Variants in RNF216 observed in about 807,000 individuals in gnomAD.
RNF216 encodes ring finger protein 216.
A neutral mutation model predicts 110.8 loss-of-function variants in RNF216; 72 were observed. That is an observed-to-expected ratio of 0.65 (90% CI 0.54 to 0.79). RNF216 has a LOEUF of 0.79. Ranked by LOEUF, RNF216 falls within the 30% of genes least tolerant of loss-of-function variation. The pLI, the probability that RNF216 is intolerant of heterozygous loss-of-function variation, is 0.00. For synonymous variants in RNF216, 495 were observed against 407.5 expected, an observed-to-expected ratio of 1.21 and a Z score of -2.59; for missense variants, 1,342 against 1,141.2, an observed-to-expected ratio of 1.18 and a Z score of -2.54.
At chr7:5,707,899 G>A (rs1183876531) in intron 13 of RNF216, among the ~76,000 whole-genome samples, 1 of 152,026 alleles carries the variant, frequency 6.6e-6, no homozygotes, top group Non-Finnish European at 1.5e-5. Context: ...CTAAATTTTT[G>A]TATTTTTAGT....
intron 2 of RNF216, among the ~76,000 whole-genome samples, chr7:5,755,032 TAA>T (rs751586216): frequency 1.7e-4 from 10 of 60,482 alleles, no homozygotes; most frequent in Admixed American, 4.0e-4. Flanking sequence ...TATCTCAGGC[TAA>T]AAAAAAAAAA....
intron 16 of RNF216, among the ~76,000 whole-genome samples, 187 bp from the exon 17 acceptor site, chr7:5,623,366 T>C (rs916244603): frequency 1.3e-5 from 2 of 152,038 alleles, no homozygotes; most frequent in African/African-American, 4.8e-5. Context: ...CACCAGTGTC[T>C]TGCTCCACAG....
At chr7:5,755,125 G>C (rs955001369) in intron 2 of RNF216, among the ~76,000 whole-genome samples, 1 of 140,560 alleles carries the variant, frequency 7.1e-6, no homozygotes, top group Non-Finnish European at 1.6e-5. Context: ...AGGAAGGAAA[G>C]GAAAGAGGGA....
chr7:5,659,855 A>C (rs955428727), intron 13 of RNF216, among the ~76,000 whole-genome samples: 3 of 152,112 alleles, frequency 2.0e-5, no homozygotes, highest in Admixed American at 6.6e-5. Flanking sequence ...GCACACCTGT[A>C]CTTTTTTTGT....
chr7:5,654,962 G>A (rs1298953668), intron 13 of RNF216, among the ~76,000 whole-genome samples: 1 of 152,178 alleles, frequency 6.6e-6, no homozygotes, highest in Non-Finnish European at 1.5e-5. Context: ...AACAACAGCT[G>A]GAGAATAGAT....
chr7:5,702,174 G>A (rs1408684471), intron 13 of RNF216, among the ~76,000 whole-genome samples: 1 of 152,086 alleles, frequency 6.6e-6, no homozygotes, highest in African/African-American at 2.4e-5. Context: ...TTGCCTCTGC[G>A]AGTTTCGAGG....
chr7:5,728,600 AAAG>A (rs1793903867), intron 7 of RNF216, among the ~76,000 whole-genome samples: 1 of 152,062 alleles, frequency 6.6e-6, no homozygotes, highest in East Asian at 1.9e-4. Context: ...AGAAAAAGAA[AAAG>A]AAAAGGTGGA....
chr7:5,736,166 C>A (rs1335327127), intron 5 of RNF216, among the ~76,000 whole-genome samples: 2 of 152,156 alleles, frequency 1.3e-5, no homozygotes, highest in Admixed American at 1.3e-4. Context: ...CTCTGATGCC[C>A]AGCCGAAGCT....
At chr7:5,692,504 C>T (rs1414508182) in intron 13 of RNF216, among the ~76,000 whole-genome samples, 1 of 152,184 alleles carries the variant, frequency 6.6e-6, no homozygotes, top group African/African-American at 2.4e-5. Flanking sequence ...GCCCTGACTT[C>T]TGGTCCAAGG....
chr7:5,732,059 G>A (rs1314319943), intron 5 of RNF216, among the ~76,000 whole-genome samples: 2 of 152,058 alleles, frequency 1.3e-5, no homozygotes, highest in Non-Finnish European at 2.9e-5. Context: ...ACCACAGCCT[G>A]CCCAGTCCAC....
intron 1 of RNF216, among the ~76,000 whole-genome samples, chr7:5,780,572 C>T (rs553131493): frequency 6.6e-6 from 1 of 152,034 alleles, no homozygotes. Context: ...TGGCAAATGC[C>T]TGTAATCCCA....
intron 14 of RNF216, among the ~76,000 whole-genome samples, chr7:5,643,440 G>A (rs1461152669): frequency 2.0e-5 from 3 of 151,690 alleles, no homozygotes; most frequent in South Asian, 2.1e-4. Context: ...AAGAGAAGCC[G>A]GAGCTGTGAC....
At chr7:5,636,672 A>G (rs1297531760) in intron 15 of RNF216, among the ~76,000 whole-genome samples, 1 of 152,198 alleles carries the variant, frequency 6.6e-6, no homozygotes, top group East Asian at 1.9e-4. Context: ...AGAATCAAGG[A>G]AACGGGGCTG....
intron 1 of RNF216, among the ~76,000 whole-genome samples, chr7:5,779,522 C>T (rs941995273): frequency 3.3e-5 from 5 of 152,008 alleles, no homozygotes; most frequent in Admixed American, 2.0e-4. Flanking sequence ...AGAATCTTCC[C>T]GCTTCTCTCC....
At chr7:5,654,795 C>T (rs927676712) in intron 13 of RNF216, among the ~76,000 whole-genome samples, 4 of 150,618 alleles carry the variant, frequency 2.7e-5, no homozygotes, top group South Asian at 2.1e-4. Flanking sequence ...CCGAGGGATG[C>T]GGATATGCTC....
In RNF216 at chr7:5,715,183, T is replaced by C; in HGVS notation, c.1703A>G (p.Gln568Arg). ...MNEEQYQKDG[Q>R]LIECRCCYGE... ...ATAGCAGCAGCGACACTCAATCAGC[T>C]GGCCATCCTGCAGGCAGTCAAGAAA... Residue 568 changes from glutamine to arginine, a missense_variant, in exon 11 of 17, where the codon CAG becomes CGG. By Grantham distance (43) the Gln-to-Arg change is conservative. Coordinates refer to ENST00000389902, the MANE Select transcript of RNF216 (RefSeq NM_207111.4). The C allele has an allele frequency of 1.2e-6, 2 of 1,612,928 alleles. No homozygotes were observed. Among genetic ancestry groups the C allele is most frequent in the Non-Finnish European group, 1.7e-6 (2 of 1,179,834 alleles).
At chr7:5,659,209 T>C (rs1380777047) in intron 13 of RNF216, among the ~76,000 whole-genome samples, 2 of 152,226 alleles carry the variant, frequency 1.3e-5, no homozygotes, top group Non-Finnish European at 2.9e-5. Context: ...GCTCTTCCAG[T>C]ATCTGCTGAA....
chr7:5,762,344 G>A (rs553164872), intron 1 of RNF216, among the ~76,000 whole-genome samples: 5 of 151,948 alleles, frequency 3.3e-5, no homozygotes, highest in African/African-American at 9.7e-5. Flanking sequence ...CCAACATGGT[G>A]AAACCCCATC....
intron 13 of RNF216, among the ~76,000 whole-genome samples, chr7:5,660,705 G>A (rs942312673): frequency 2.0e-5 from 3 of 151,994 alleles, no homozygotes; most frequent in African/African-American, 7.3e-5. Flanking sequence ...AGCCTCCCAA[G>A]TAGCTGGGAC....
Sources: gnomAD v4.1 joint callset for allele counts (sites outside exome capture counted in the v4.1 genomes callset) on GRCh38, gnomAD v4.1.1 for gene constraint, MANE v1.5 for transcripts, NCBI Gene and HGNC (gene_info 2026-07-23, HGNC 2026-07-21) for gene names.